The following CATIP variants were observed in gnomAD, a reference collection of about 807,000 sequenced individuals.
CATIP encodes ciliogenesis associated TTC17 interacting protein.
Under a neutral mutation model 42.5 loss-of-function variants are expected in CATIP, and 40 were observed. The observed-to-expected ratio is 0.94, with a 90% CI of 0.73 to 1.22. The LOEUF is 1.22. Ranked by LOEUF, CATIP falls within the 50% of genes most tolerant of loss-of-function variation. The pLI is 0.00. For synonymous variants in CATIP, 222 were observed against 200.2 expected, an observed-to-expected ratio of 1.11 and a Z score of -0.92; for missense variants, 489 against 496.0, an observed-to-expected ratio of 0.99 and a Z score of 0.13.
chr2:218,358,141 GATTTTGACTTAAA>G (rs1415296624), intron 4 of CATIP, 49 bp downstream of exon 4: 1 of 1,517,956 alleles, frequency 6.6e-7, no homozygotes. Context: ...AGAGAAGACA[GATTTTGACTTAAA>G]AAACAGCAGC....
At position 218,360,555 on chromosome 2, in the gene CATIP, G is replaced by C. The variant is rs766873327; in HGVS notation, c.376-18G>C. The stretch of plus-strand genomic sequence containing the variant: ...CCCAGGGAGTCCCTGATCCTCCCCC[G>C]CATGCTCTGGCCCTCAGTTCCTCAT... On this transcript the variant is annotated intron_variant, in intron 4 of 9. Coordinates refer to ENST00000289388, the MANE Select transcript of CATIP (RefSeq NM_198559.2). 2.5e-6 allele frequency: 4 copies of C among 1,604,838 alleles called. No individual in the cohort carries two copies. The highest frequency in any genetic ancestry group is 3.4e-6 in the Non-Finnish European group (4 of 1,172,586).
Position 218,367,977 on chromosome 2 carries a change from C to A in CATIP, c.*13C>A, listed in dbSNP as rs114912223. On this transcript the variant is annotated 3_prime_UTR_variant, in exon 10 of 10. Coordinates refer to ENST00000289388, the MANE Select transcript of CATIP (RefSeq NM_198559.2). The stretch of plus-strand genomic sequence containing the variant: ...GGGGGCGGCCTAAGCGGGGCCCAGG[C>A]CCGGACAGGGCAGGAAACCAGGGGT... 0.032 allele frequency: 49,540 copies of A among 1,552,588 alleles called. 933 individuals are homozygous for A. The highest frequency in any genetic ancestry group is 0.037 in the Non-Finnish European group (42,935 of 1,154,256).
rs1695206703 is a variant in CATIP at position 218,360,803 on chromosome 2, G to A, written c.462+144G>A. The A allele has an allele frequency of 9.2e-6, 5 of 542,980 alleles. No individual in the cohort carries two copies. The Admixed American group carries it at 1.6e-4, about 17-fold the overall frequency. The allele number at this position is 542,980 out of a possible 1,614,324, so 33.6% of individuals were successfully genotyped here. On this transcript the variant is annotated intron_variant, in intron 5 of 9. Coordinates refer to ENST00000289388, the MANE Select transcript of CATIP (RefSeq NM_198559.2). ...AGCCTCAGGAGGTCCTGAGGAAATG[G>A]GCCCAAAGTGGTTGGGGCACAGCTT...
At chr2:218,361,536 T>A (rs138844935) in intron 5 of CATIP, among the ~76,000 whole-genome samples, 2 of 152,258 alleles carry the variant, frequency 1.3e-5, no homozygotes, top group East Asian at 3.9e-4. Flanking sequence ...AGAAAAGTAG[T>A]CACTTATGCC....
In CATIP at chr2:218,364,704, C is replaced by T. The variant is rs761616555; in HGVS notation, c.707C>T (p.Ala236Val). Residue 236 changes from alanine to valine, a missense_variant, in exon 7 of 10, where the codon GCG becomes GTG. Transcript: ENST00000289388. ...EVFIVEQTVH[A>V]EEGIPMSCQY... ...TTCATCGTGGAGCAGACTGTCCACGCGGAGGAGGGCATCCCCATGTCCTGC... is the reference window on the plus strand; with the variant it reads ...TTCATCGTGGAGCAGACTGTCCACGTGGAGGAGGGCATCCCCATGTCCTGC... 2.7e-5 allele frequency: 44 copies of T among 1,613,776 alleles called. 2 individuals are homozygous for T. In the South Asian group the frequency reaches 4.1e-4, roughly 15 times the overall value.
Position 218,367,098 on chromosome 2 carries a change from A to C in CATIP, c.830A>C (p.Glu277Ala), listed in dbSNP as rs1442436673. Residue 277 changes from glutamate to alanine, a missense_variant and splice_region_variant, in exon 8 of 10, where the codon GAG becomes GCG. Transcript: ENST00000289388. Reference protein sequence around the residue: ...IITKMPILREEDEIEPRPVFE... With the variant: ...IITKMPILREADEIEPRPVFE... ...ACCAAGATGCCCATCTTGAGGGAAG[A>C]GGGTGAGTGAAGCCCAGGCCTTGTG... The C allele has an allele frequency of 2.5e-6, 4 of 1,611,698 alleles. No individual in the cohort carries two copies. The highest frequency in any genetic ancestry group is 2.5e-6 in the Non-Finnish European group (3 of 1,177,928).
intron 4 of CATIP, among the ~76,000 whole-genome samples, chr2:218,358,933 G>A (rs942169501): frequency 6.6e-6 from 1 of 151,338 alleles, no homozygotes; most frequent in Admixed American, 6.6e-5. Flanking sequence ...GGTTGGGCAC[G>A]GTGGCTCACG....
At chr2:218,366,576 GAAGT>G (rs879563171) in intron 7 of CATIP, 25 of 192,108 alleles carry the variant, frequency 1.3e-4, no homozygotes, top group Non-Finnish European at 1.2e-4. Context: ...GAGGGAGGCA[GAAGT>G]AAAGAGGCCC....
At position 218,368,045 on chromosome 2, in the gene CATIP, T is replaced by G. The variant is rs1304556714; in HGVS notation, c.*81T>G. ...GGGACGCGCCGGGGCGGGTGCGCTT[T>G]CCGGGCTGCGGTTTTGGGGGAATAA... On this transcript the variant is annotated 3_prime_UTR_variant, in exon 10 of 10. Transcript: ENST00000289388. 7.0e-7 allele frequency: 1 copy of G among 1,422,898 alleles called. No individual in the cohort carries two copies. The highest frequency in any genetic ancestry group is 9.2e-7 in the Non-Finnish European group (1 of 1,091,554). The allele number at this position is 1,422,898 out of a possible 1,614,324, so 88.1% of individuals were successfully genotyped here.
At chr2:218,356,966 A>G in intron 1 of CATIP, 57 bp downstream of exon 1, 1 of 1,605,160 alleles carries the variant, frequency 6.2e-7, no homozygotes, top group Non-Finnish European at 8.5e-7. Flanking sequence ...TTCCCAATCC[A>G]CCCTCGGGGT....
chr2:218,364,761 C>T lies in CATIP; in HGVS notation c.755+9C>T. 1.2e-6 allele frequency: 2 copies of T among 1,610,760 alleles called. No homozygotes were observed. The highest frequency in any genetic ancestry group is 1.7e-6 in the Non-Finnish European group (2 of 1,178,382). On this transcript the variant is annotated intron_variant, in intron 7 of 9. Coordinates refer to ENST00000289388, the MANE Select transcript of CATIP (RefSeq NM_198559.2). The stretch of plus-strand genomic sequence containing the variant: ...TACCTGCTCTCCGATGGGTGAGCTG[C>T]TGATGGTGGGCCCAGAGGGGTGGTG...
chr2:218,360,373 A>G (rs957863471), intron 4 of CATIP, among the ~76,000 whole-genome samples, 200 bp from the exon 5 acceptor site: 1 of 150,030 alleles, frequency 6.7e-6, no homozygotes, highest in African/African-American at 2.5e-5. Context: ...GGTGGTCTCA[A>G]TCTCCTGACC....
chr2:218,364,503 T>G, intron 6 of CATIP, 125 bp from the exon 7 acceptor site: 12 of 1,378,910 alleles, frequency 8.7e-6, no homozygotes, highest in Non-Finnish European at 1.2e-5. Context: ...GCTTGGAGGT[T>G]TGGAGATGCA....
chr2:218,362,776 C>G lies in CATIP; in HGVS notation c.504C>G (p.Ile168Met). Residue 168 changes from isoleucine to methionine, a missense_variant, in exon 6 of 10, where the codon ATC (isoleucine) becomes ATG (methionine). Coordinates refer to ENST00000289388, the MANE Select transcript of CATIP (RefSeq NM_198559.2). The stretch of plus-strand genomic sequence containing the variant: ...TGACTTCTTTCCCCTGGAGCTCAAT[C>G]AAGGGCTTCATCTCAGAGGCTGCCA... ...TGVTSFPWSS[I>M]KGFISEAANL... 6.2e-7 allele frequency: 1 copy of G among 1,614,142 alleles called. No homozygotes were observed. Among genetic ancestry groups the G allele is most frequent in the Non-Finnish European group, 8.5e-7 (1 of 1,180,014 alleles).
intron 6 of CATIP, among the ~76,000 whole-genome samples, chr2:218,364,132 C>T (rs1695337165): frequency 6.6e-6 from 1 of 152,200 alleles, no homozygotes; most frequent in African/African-American, 2.4e-5. Context: ...CATGAACAAG[C>T]ACAATCCATT....
chr2:218,357,326 G>A, intron 2 of CATIP, 139 bp downstream of exon 2: 1 of 711,228 alleles, frequency 1.4e-6, no homozygotes, highest in Non-Finnish European at 2.3e-6. Context: ...AAGGCCTGAG[G>A]CCTGTTTGTT....
rs1190222405 is a variant in CATIP, at chr2:218,367,467, C to G, written c.870C>G (p.Pro290=). The change falls in exon 9 of 10, where the codon CCC becomes CCG. Residue 290 remains proline (P), a synonymous_variant. Transcript: ENST00000289388. The part of the protein sequence containing the change: ...IEPRPVFEKK[P]LVWEEDMELY... ...CACGCCCAGTGTTTGAGAAGAAGCC[C>G]CTGGTATGGGAGGAGGATATGGAGC... 6.2e-7 allele frequency: 1 copy of G among 1,614,148 alleles called. No individual in the cohort carries two copies. Among genetic ancestry groups the G allele is most frequent in the Non-Finnish European group, 8.5e-7 (1 of 1,180,022 alleles).
At chr2:218,357,218 GC>G in intron 2 of CATIP, 31 bp downstream of exon 2, 1 of 1,547,620 alleles carries the variant, frequency 6.5e-7, no homozygotes, top group Non-Finnish European at 8.9e-7. Flanking sequence ...GGTTGGGGGT[GC>G]GGGAGGGGTG....
At chr2:218,367,554 C>G (rs373612219) in intron 9 of CATIP, 36 bp downstream of exon 9, 12 of 1,605,264 alleles carry the variant, frequency 7.5e-6, no homozygotes, top group Non-Finnish European at 1.0e-5. Flanking sequence ...GGTTCCCATT[C>G]CCCCATGGGC....
Sources: allele counts gnomAD v4.1 joint callset (sites outside exome capture counted in the v4.1 genomes callset), GRCh38; gene constraint gnomAD v4.1.1; transcripts MANE v1.5; gene names NCBI Gene and HGNC (gene_info 2026-07-23, HGNC 2026-07-21).